CUBN: variants seen among roughly 807,000 people sequenced by gnomAD.
CUBN encodes the protein 460 kDa receptor.
Under a neutral mutation model 405.3 loss-of-function variants are expected in CUBN, and 282 were observed. The ratio of observed to expected loss-of-function variants is 0.70; its 90% CI spans 0.63 to 0.77. CUBN has a LOEUF of 0.77. Among genes scored for constraint, CUBN ranks in the 30% least tolerant of loss-of-function variants. The pLI, the probability that CUBN is intolerant of heterozygous loss-of-function variation, is 0.00. For synonymous variants in CUBN, 1,684 were observed against 1,617.0 expected, an observed-to-expected ratio of 1.04 and a Z score of -0.99; for missense variants, 4,514 against 4,475.2, an observed-to-expected ratio of 1.01 and a Z score of -0.25.
chr10:17,067,605 A>G (rs557176278), intron 21 of CUBN, among the ~76,000 whole-genome samples: 4 of 152,176 alleles, frequency 2.6e-5, no homozygotes, highest in Non-Finnish European at 4.4e-5. Context: ...GTGGCCAAGA[A>G]TGTTTCAATT....
rs146114719 is a variant in CUBN, at chr10:16,965,941, C to T, written c.4696-11393G>A. ...TAGCAGTGCAGAGCCAATATACAAA[C>T]CCCATCTGTCTGACGTCCGACCAAG... On this transcript the variant is annotated intron_variant, in intron 31 of 66. Transcript: ENST00000377833. 4.9e-3 allele frequency: 2,302 copies of T among 471,046 alleles called. 10 individuals are homozygous for T. The highest frequency in any genetic ancestry group is 6.8e-3 in the Non-Finnish European group (1,537 of 226,960). The allele number at this position is 471,046 out of a possible 1,614,324, so 29.2% of individuals were successfully genotyped here.
At chr10:16,885,794 G>A (rs2131391761) in intron 56 of CUBN, among the ~76,000 whole-genome samples, 1 of 152,264 alleles carries the variant, frequency 6.6e-6, no homozygotes, top group Middle Eastern at 3.4e-3. Context: ...GGTCTTGTGA[G>A]ATGCACTGTT....
At position 17,082,872 on chromosome 10, in the gene CUBN, T is replaced by A. The variant is rs186090897; in HGVS notation, c.2301+1399A>T. ...CCTAAGATTAAAACAGAAATAATAA[T>A]GGTTGTTGAGAGGATTCAATGAAAT... On this transcript the variant is annotated intron_variant, in intron 17 of 66. Coordinates refer to ENST00000377833, the MANE Select transcript of CUBN (RefSeq NM_001081.4). Among the ~76,000 whole-genome samples, 574 of 152,252 alleles carry A rather than the reference T, an allele frequency of 3.8e-3. 5 individuals carry two copies. Among genetic ancestry groups the A allele is most frequent in the Non-Finnish European group, 5.9e-3 (404 of 68,020 alleles).
At chr10:17,078,140 C>T (rs752867096) in intron 17 of CUBN, among the ~76,000 whole-genome samples, 2 of 152,036 alleles carry the variant, frequency 1.3e-5, no homozygotes, top group Non-Finnish European at 2.9e-5. Context: ...GTGTGACAGG[C>T]ACAATGTGAC....
At chr10:16,911,672 C>T (rs1841739726) in intron 48 of CUBN, among the ~76,000 whole-genome samples, 1 of 152,068 alleles carries the variant, frequency 6.6e-6, no homozygotes, top group South Asian at 2.1e-4. Flanking sequence ...GAATACTCTG[C>T]TTGTAAAATT....
chr10:16,849,558 C>G (rs1253481807), intron 60 of CUBN, among the ~76,000 whole-genome samples: 1 of 152,198 alleles, frequency 6.6e-6, no homozygotes, highest in Non-Finnish European at 1.5e-5. Flanking sequence ...AACCTTAGCC[C>G]CTTTCATAGT....
chr10:17,005,032 C>T (rs1032523437), intron 28 of CUBN, among the ~76,000 whole-genome samples: 6 of 152,154 alleles, frequency 3.9e-5, no homozygotes, highest in Non-Finnish European at 7.3e-5. Context: ...TCACCAAACT[C>T]TCAGTCTCTT....
At chr10:16,829,844 T>C (rs1312122007) in intron 65 of CUBN, among the ~76,000 whole-genome samples, 1 of 151,720 alleles carries the variant, frequency 6.6e-6, no homozygotes, top group East Asian at 1.9e-4. Flanking sequence ...TTTTTTGAGA[T>C]GGAGTCTTGC....
chr10:16,869,860 A>T lies in CUBN; in HGVS notation c.9237-7T>A. 1.3e-6 allele frequency: 2 copies of T among 1,582,614 alleles called. No homozygotes were observed. The highest frequency in any genetic ancestry group is 2.7e-5 in the African/African-American group (2 of 74,404). ...CACATCAAAATCACTGAACCTGTGAAATGTACCTTGTTAATACTGATGTTT... is the reference window on the plus strand; with the variant it reads ...CACATCAAAATCACTGAACCTGTGATATGTACCTTGTTAATACTGATGTTT... On this transcript the variant is annotated splice_polypyrimidine_tract_variant and splice_region_variant and intron_variant, in intron 58 of 66. Transcript: ENST00000377833.
At chr10:16,936,202 T>A (rs1016173839) in intron 39 of CUBN, among the ~76,000 whole-genome samples, 7 of 152,184 alleles carry the variant, frequency 4.6e-5, no homozygotes, top group Non-Finnish European at 8.8e-5. Context: ...GTATAATATT[T>A]TACACAAGTA....
chr10:17,071,559 A>C lies in CUBN; in HGVS notation c.2492T>G (p.Phe831Cys), dbSNP rs200839400. 3.1e-6 allele frequency: 5 copies of C among 1,613,950 alleles called. No individual in the cohort carries two copies. Among genetic ancestry groups the C allele is most frequent in the Non-Finnish European group, 4.2e-6 (5 of 1,179,922 alleles). ...TTCTCCAGGATACACGTTAGGAAAA[A>C]AAGGCGAGCGAATGACCCCTTCTCC... ...LTGEGVIRSPFFPNVYPGERT... is the reference protein window; with the variant it reads ...LTGEGVIRSPCFPNVYPGERT... Residue 831 changes from phenylalanine (F) to cysteine (C), a missense_variant, in exon 19 of 67, where the codon TTT (phenylalanine) becomes TGT (cysteine). By Grantham distance (205) the Phe-to-Cys change is radical. Around this residue, in one of 5 missense-constraint regions of CUBN, gnomAD observed 1,448 missense variants for 1,388.0 expected, o/e 1.04. Coordinates refer to ENST00000377833, the MANE Select transcript of CUBN (RefSeq NM_001081.4).
chr10:17,008,986 G>A (rs1009407419), intron 28 of CUBN, among the ~76,000 whole-genome samples: 6 of 152,054 alleles, frequency 3.9e-5, no homozygotes, highest in East Asian at 1.9e-4. Context: ...CAAAAATGGC[G>A]GGACCTCTCC....
intron 10 of CUBN, among the ~76,000 whole-genome samples, chr10:17,105,836 G>A (rs1193607306): frequency 6.6e-6 from 1 of 152,234 alleles, no homozygotes; most frequent in Non-Finnish European, 1.5e-5. Context: ...CAGCCCATAT[G>A]TCAGATGGTC....
At chr10:16,829,949 T>TTG (rs1838931180) in intron 65 of CUBN, among the ~76,000 whole-genome samples, 1 of 150,530 alleles carries the variant, frequency 6.6e-6, no homozygotes, top group Admixed American at 6.6e-5. Flanking sequence ...TTTGTTTTTT[T>TTG]TTTTGAGACG....
At chr10:16,950,396 G>A (rs559345792) in intron 33 of CUBN, among the ~76,000 whole-genome samples, 2 of 152,184 alleles carry the variant, frequency 1.3e-5, no homozygotes, top group African/African-American at 4.8e-5. Flanking sequence ...TTGCATGCCT[G>A]TATCAAAACA....
intron 31 of CUBN, among the ~76,000 whole-genome samples, chr10:16,971,674 C>T (rs1030459980): frequency 1.6e-4 from 24 of 152,116 alleles, no homozygotes; most frequent in African/African-American, 5.8e-4. Context: ...AAAAGTACAA[C>T]ATTCATAGAA....
intron 14 of CUBN, among the ~76,000 whole-genome samples, chr10:17,092,361 C>A (rs1836282609): frequency 6.6e-6 from 1 of 152,068 alleles, no homozygotes; most frequent in Non-Finnish European, 1.5e-5. Context: ...GGTAATAAAC[C>A]ATAGGCATTC....
At chr10:16,859,455 C>T (rs184147408) in intron 59 of CUBN, among the ~76,000 whole-genome samples, 2 of 152,214 alleles carry the variant, frequency 1.3e-5, no homozygotes, top group East Asian at 3.9e-4. Flanking sequence ...ATAACAACAA[C>T]AGCAACAATA....
intron 65 of CUBN, among the ~76,000 whole-genome samples, chr10:16,830,854 G>A (rs1161487932): frequency 1.3e-5 from 2 of 152,126 alleles, no homozygotes; most frequent in African/African-American, 4.8e-5. Context: ...CCAGCACTTT[G>A]GGAGGTTGGA....
Sources: allele counts gnomAD v4.1 joint callset (sites outside exome capture counted in the v4.1 genomes callset), GRCh38; gene constraint gnomAD v4.1.1; regional missense constraint gnomAD v4.1.1; transcripts MANE v1.5; gene names NCBI Gene and HGNC (gene_info 2026-07-23, HGNC 2026-07-21).